The following VWA2 variants were observed in gnomAD, a reference collection of about 807,000 sequenced individuals.
The protein encoded by VWA2 is von Willebrand factor A domain-containing protein 2.
Under a neutral mutation model 70.4 loss-of-function variants are expected in VWA2, and 73 were observed. That is an observed-to-expected ratio of 1.04 (90% CI 0.86 to 1.26). The LOEUF (loss-of-function observed/expected upper bound fraction) is 1.26, where lower values mean the gene tolerates loss of function less well. Ranked by LOEUF, VWA2 falls within the 50% of genes most tolerant of loss-of-function variation. VWA2 has a pLI of 0.00. For synonymous variants in VWA2, 407 were observed against 423.3 expected (o/e 0.96, Z 0.47); for missense variants, 1,011 against 998.5 (o/e 1.01, Z -0.17).
intron 1 of VWA2, among the ~76,000 whole-genome samples, chr10:114,242,599 G>C (rs538262): frequency 2.0e-5 from 3 of 152,048 alleles, no homozygotes; most frequent in Non-Finnish European, 4.4e-5. Flanking sequence ...GCATGTCTCT[G>C]TGTACCACGT....
At chr10:114,284,787 C>T (rs2038645620) in intron 9 of VWA2, 76 bp from the exon 10 acceptor site, 4 of 1,395,154 alleles carry the variant, frequency 2.9e-6, no homozygotes, top group Middle Eastern at 2.4e-4. Flanking sequence ...AAGCCAGCTG[C>T]ACCCACACCT....
At chr10:114,252,557 G>A (rs572680867) in intron 2 of VWA2, among the ~76,000 whole-genome samples, 55 of 152,064 alleles carry the variant, frequency 3.6e-4, no homozygotes, top group Non-Finnish European at 2.2e-4. Context: ...CTCTTTTGGC[G>A]TCTCTCTTGT....
chr10:114,261,609 C>T (rs552690804), intron 5 of VWA2, among the ~76,000 whole-genome samples: 32 of 152,324 alleles, frequency 2.1e-4, no homozygotes, highest in Admixed American at 2.0e-3. Context: ...AGGAGGAACA[C>T]TGAGTCTTAA....
At chr10:114,280,730 C>T (rs2038044515) in intron 8 of VWA2, 1 of 152,088 alleles carries the variant, frequency 6.6e-6, no homozygotes, top group Non-Finnish European at 1.5e-5. Context: ...GGCAGTTTGG[C>T]AAACTTTGTT....
chr10:114,244,391 C>T (rs974802363), intron 1 of VWA2, among the ~76,000 whole-genome samples: 1 of 152,164 alleles, frequency 6.6e-6, no homozygotes, highest in Non-Finnish European at 1.5e-5. Context: ...GGGAAGGTGA[C>T]GCTAGGAGGC....
chr10:114,253,718 C>G lies in VWA2; in HGVS notation c.120C>G (p.Ala40=). 1 of 1,612,274 alleles carries G rather than the reference C, an allele frequency of 6.2e-7. No homozygotes were observed. The highest frequency in any genetic ancestry group is 8.5e-7 in the Non-Finnish European group (1 of 1,179,716). Residue 40 remains alanine, a synonymous_variant, in exon 3 of 14, where the codon GCC becomes GCG. Coordinates refer to ENST00000392982, the MANE Select transcript of VWA2 (RefSeq NM_001272046.2). ...AAACCATCGGGAAGATTTCAGCTGC[C>G]AGCAAAAGTAAGCCCAGGTTCTTCT... ...SKETIGKISA[A]SKMMWCSAAV...
At chr10:114,270,300 T>G (rs1224948921) in intron 5 of VWA2, among the ~76,000 whole-genome samples, 1 of 152,234 alleles carries the variant, frequency 6.6e-6, no homozygotes, top group Non-Finnish European at 1.5e-5. Flanking sequence ...TCACCACTCA[T>G]GAGCGGCATA....
At chr10:114,253,475 A>G (rs1008855249) in intron 2 of VWA2, among the ~76,000 whole-genome samples, 176 bp from the exon 3 acceptor site, 7 of 148,702 alleles carry the variant, frequency 4.7e-5, no homozygotes, top group African/African-American at 1.2e-4. Context: ...GAAGTGAGGT[A>G]ATTGGGGGGT....
At chr10:114,283,591 C>G (rs1035563581) in intron 9 of VWA2, among the ~76,000 whole-genome samples, 3 of 152,212 alleles carry the variant, frequency 2.0e-5, no homozygotes, top group Non-Finnish European at 2.9e-5. Context: ...CCAGCTTTGC[C>G]TCTTACCAAT....
In VWA2 at chr10:114,291,783, C is replaced by T. The variant is rs1477133317; in HGVS notation, c.*546C>T. Among the ~76,000 whole-genome samples the T allele has an allele frequency of 1.3e-5, 2 of 152,206 alleles. No homozygotes were observed. The highest frequency in any genetic ancestry group is 3.8e-4 in the East Asian group (2 of 5,198). ...CATTTGCATTGAGTCTGAAAGGGGG[C>T]TTGAGGGACGTTTGTGACTTCTGGC... On this transcript the variant is annotated 3_prime_UTR_variant, in exon 14 of 14. Transcript: ENST00000392982.
chr10:114,272,013 C>T (rs1017699510), intron 5 of VWA2, among the ~76,000 whole-genome samples: 2 of 152,246 alleles, frequency 1.3e-5, no homozygotes, highest in Non-Finnish European at 2.9e-5. Flanking sequence ...TGGCAGTCCT[C>T]TCTCTGACAG....
chr10:114,243,727 C>T (rs1347388370), intron 1 of VWA2, among the ~76,000 whole-genome samples: 3 of 152,194 alleles, frequency 2.0e-5, no homozygotes, highest in South Asian at 2.1e-4. Context: ...ATCCCCAATC[C>T]GGCTCTTCTT....
intron 7 of VWA2, 137 bp downstream of exon 7, chr10:114,278,184 C>A: frequency 8.0e-7 from 1 of 1,244,186 alleles, no homozygotes; most frequent in Non-Finnish European, 1.1e-6. Flanking sequence ...AGCCTCCACC[C>A]TGGATGCTCT....
chr10:114,248,782 G>T lies in VWA2; in HGVS notation c.52+17G>T. 6.2e-7 allele frequency: 1 copy of T among 1,612,486 alleles called. No individual in the cohort carries two copies. The highest frequency in any genetic ancestry group is 8.5e-7 in the Non-Finnish European group (1 of 1,178,584). Reference sequence around the variant, plus strand: ...TTTCCAGAGGTAAGATGTGTTTATTGGTGGTGGGGAAGTACTGGCGTGTTG... The same window carrying T: ...TTTCCAGAGGTAAGATGTGTTTATTTGTGGTGGGGAAGTACTGGCGTGTTG... On this transcript the variant is annotated intron_variant, in intron 2 of 13. Transcript: ENST00000392982.
chr10:114,266,991 A>C (rs374414705), intron 5 of VWA2, among the ~76,000 whole-genome samples: 1 of 152,292 alleles, frequency 6.6e-6, no homozygotes, highest in African/African-American at 2.4e-5. Context: ...TAATAATCCA[A>C]GTTCAGGTAT....
At position 114,255,136 on chromosome 10, in the gene VWA2, T is replaced by C. The variant is rs182059058; in HGVS notation, c.261+88T>C. ...GGTCTCAAGCAGAGGAGGCATCTAC[T>C]CGCTTGTGGAGCTGGGAAGACCAAG... On this transcript the variant is annotated intron_variant, in intron 4 of 13. Transcript: ENST00000392982. 3,800 of 1,537,768 alleles carry C rather than the reference T, an allele frequency of 2.5e-3. 71 individuals are homozygous for C. The African/African-American group carries it at 0.047, about 19-fold the overall frequency.
chr10:114,289,891 A>G, intron 12 of VWA2: 2 of 320,888 alleles, frequency 6.2e-6, no homozygotes, highest in South Asian at 7.9e-5. Flanking sequence ...ACCTTCTTAA[A>G]AGAGACAGGA....
chr10:114,279,442 G>A (rs969368875), intron 8 of VWA2, among the ~76,000 whole-genome samples: 10 of 152,104 alleles, frequency 6.6e-5, no homozygotes, highest in South Asian at 2.1e-4. Flanking sequence ...CTGGGGGGCC[G>A]GGGCAGTGTT....
At position 114,254,968 on chromosome 10, in the gene VWA2, A is replaced by G. The variant is rs766071510; in HGVS notation, c.181A>G (p.Ser61Gly). 4 of 1,613,454 alleles carry G rather than the reference A, an allele frequency of 2.5e-6. No individual in the cohort carries two copies. Among genetic ancestry groups the G allele is most frequent in the Non-Finnish European group, 3.4e-6 (4 of 1,179,956 alleles). Residue 61 changes from serine (S) to glycine (G), a missense_variant, in exon 4 of 14, where the codon AGC (serine) becomes GGC (glycine). Coordinates refer to ENST00000392982, the MANE Select transcript of VWA2 (RefSeq NM_001272046.2). ...CATGTTTCTGTTAGATGGGTCTAAC[A>G]GCGTCGGGAAAGGGAGCTTTGAAAG... ...DIMFLLDGSN[S>G]VGKGSFERSK...
Sources: gnomAD v4.1 joint callset for allele counts (sites outside exome capture counted in the v4.1 genomes callset) on GRCh38, gnomAD v4.1.1 for gene constraint, MANE v1.5 for transcripts, NCBI Gene and HGNC (gene_info 2026-07-23, HGNC 2026-07-21) for gene names.